IQCM: variants seen among roughly 807,000 people sequenced by gnomAD.
The protein encoded by IQCM is IQ motif containing M.
IQCM carries 45 observed loss-of-function variants against 57.6 expected under a neutral mutation model. That is an observed-to-expected ratio of 0.78 (90% CI 0.62 to 1.00). The LOEUF is 1.00. IQCM is among the 50% of genes least tolerant of loss of function. The pLI is 0.00. For synonymous variants in IQCM, 148 were observed against 158.9 expected (o/e 0.93, Z 0.51); for missense variants, 468 against 511.6 (o/e 0.91, Z 0.82).
intron 12 of IQCM, among the ~76,000 whole-genome samples, chr4:149,462,621 T>C (rs947860877): frequency 6.6e-6 from 1 of 152,198 alleles, no homozygotes; most frequent in African/African-American, 2.4e-5. Context: ...CCTATTTACC[T>C]TACATGTGTC....
chr4:149,738,017 GT>G (rs1435049688), intron 3 of IQCM, among the ~76,000 whole-genome samples: 2 of 152,022 alleles, frequency 1.3e-5, no homozygotes, highest in Admixed American at 1.3e-4. Flanking sequence ...GTTTTTTGTT[GT>G]TGTTCAAAAT....
At chr4:149,776,075 A>G (rs1429172017) in intron 2 of IQCM, among the ~76,000 whole-genome samples, 1 of 152,146 alleles carries the variant, frequency 6.6e-6, no homozygotes, top group Non-Finnish European at 1.5e-5. Context: ...TAAGGCTACA[A>G]GGAACTTTGA....
intron 13 of IQCM, among the ~76,000 whole-genome samples, chr4:149,390,422 T>C (rs1412638175): frequency 6.6e-6 from 1 of 151,932 alleles, no homozygotes; most frequent in Non-Finnish European, 1.5e-5. Flanking sequence ...TAGATGCTTT[T>C]TTTTTTTCTA....
intron 2 of IQCM, among the ~76,000 whole-genome samples, chr4:149,799,828 T>G (rs990687995): frequency 6.6e-6 from 1 of 150,768 alleles, no homozygotes; most frequent in African/African-American, 2.4e-5. Context: ...AGGTTGAAGC[T>G]GTAATAAAAA....
rs2150076562 is a variant in IQCM at position 149,815,835 on chromosome 4, G to A, written c.-322C>T. 1 of 151,938 alleles carries A rather than the reference G, an allele frequency of 6.6e-6. No individual in the cohort carries two copies. The highest frequency in any genetic ancestry group is 2.1e-4 in the South Asian group (1 of 4,822). 9.4% of individuals were successfully genotyped at this position (151,938 alleles called of 1,614,324 possible). ...TGATTGCTTCTTCTCACATATGCCT[G>A]TCTTCTTTGGGCATCAGAAGAATTC... On this transcript the variant is annotated 5_prime_UTR_variant, in exon 1 of 14. Transcript: ENST00000636793.
chr4:149,723,119 T>A (rs1478806407), intron 5 of IQCM, among the ~76,000 whole-genome samples: 1 of 152,072 alleles, frequency 6.6e-6, no homozygotes, highest in Non-Finnish European at 1.5e-5. Context: ...GTGCTACCGA[T>A]TTGTGTATAT....
intron 2 of IQCM, among the ~76,000 whole-genome samples, chr4:149,747,618 G>A (rs973827438): frequency 1.3e-5 from 2 of 152,186 alleles, no homozygotes; most frequent in African/African-American, 4.8e-5. Context: ...TACAGTAGAT[G>A]ATAGGAGAAC....
At chr4:149,452,821 C>T (rs941371901) in intron 12 of IQCM, among the ~76,000 whole-genome samples, 2 of 150,762 alleles carry the variant, frequency 1.3e-5, no homozygotes, top group Non-Finnish European at 3.0e-5. Context: ...GGTTAAACAA[C>T]TTAAATAAAG....
chr4:149,415,103 A>T (rs1733650081), intron 13 of IQCM, among the ~76,000 whole-genome samples: 1 of 152,218 alleles, frequency 6.6e-6, no homozygotes, highest in Non-Finnish European at 1.5e-5. Context: ...TTATGCTGGA[A>T]AAAGAAATGG....
intron 5 of IQCM, among the ~76,000 whole-genome samples, chr4:149,694,739 G>T (rs1763214092): frequency 6.6e-6 from 1 of 152,132 alleles, no homozygotes; most frequent in African/African-American, 2.4e-5. Flanking sequence ...AATTTCAGAA[G>T]AACACTGTAG....
chr4:149,682,666 T>A (rs976655670), intron 6 of IQCM, among the ~76,000 whole-genome samples: 1 of 151,216 alleles, frequency 6.6e-6, no homozygotes, highest in African/African-American at 2.4e-5. Context: ...CTTATTACCC[T>A]GATATTTTAG....
At chr4:149,419,705 A>G (rs1249172156) in intron 13 of IQCM, among the ~76,000 whole-genome samples, 1 of 152,136 alleles carries the variant, frequency 6.6e-6, no homozygotes, top group Non-Finnish European at 1.5e-5. Flanking sequence ...TGAACAGGCA[A>G]CCTACAAAGT....
chr4:149,686,431 T>A lies in IQCM; in HGVS notation c.423A>T (p.Glu141Asp), dbSNP rs1176172322. The A allele has an allele frequency of 4.1e-6, 5 of 1,227,926 alleles. No homozygotes were observed. The East Asian group carries it at 1.6e-4, about 39-fold the overall frequency. 76.1% of individuals were successfully genotyped at this position (1,227,926 alleles called of 1,614,324 possible). A position where few individuals can be genotyped will look rare whatever the true frequency, so the allele number is the denominator to read the frequency against. Residue 141 changes from glutamate (E) to aspartate (D), a missense_variant, in exon 6 of 14, where the codon GAA becomes GAT. By Grantham distance (45) the Glu-to-Asp change is conservative (BLOSUM62 2). Transcript: ENST00000636793. ...VKLDKIMTII[E>D]PVSKKMETAK... The stretch of plus-strand genomic sequence containing the variant: ...CTGTCTCCATTTTTTTACTCACTGG[T>A]TCAATAATAGTCATGATTTTATCCA...
At chr4:149,724,218 A>G (rs1278248862) in intron 5 of IQCM, among the ~76,000 whole-genome samples, 5 of 152,056 alleles carry the variant, frequency 3.3e-5, no homozygotes, top group Non-Finnish European at 5.9e-5. Context: ...GAATGATCAT[A>G]TACCTGAAAT....
At chr4:149,463,997 C>T (rs1310797877) in intron 12 of IQCM, among the ~76,000 whole-genome samples, 1 of 152,138 alleles carries the variant, frequency 6.6e-6, no homozygotes, top group Non-Finnish European at 1.5e-5. Flanking sequence ...ACTTGAATAT[C>T]AAAGCAGTAG....
rs76927958 is a variant in IQCM, at chr4:149,418,033, C to G, written c.1390+15363G>C. Among the ~76,000 whole-genome samples, 1,417 of 150,182 alleles carry G rather than the reference C, an allele frequency of 9.4e-3. 14 individuals are homozygous for G. Among genetic ancestry groups the G allele is most frequent in the African/African-American group, 0.033 (1,347 of 40,872 alleles). On this transcript the variant is annotated intron_variant, in intron 13 of 13. Transcript: ENST00000636793. ...AGCTAGGAAGATCTCAAATTGACAC[C>G]CTAACATCACAACTGACCACCAAGA... is the stretch of plus-strand genomic sequence containing the variant.
chr4:149,480,182 AT>A (rs1387010871), intron 12 of IQCM, among the ~76,000 whole-genome samples: 1 of 151,968 alleles, frequency 6.6e-6, no homozygotes, highest in African/African-American at 2.4e-5. Context: ...TTTCTTTTTA[AT>A]TTTTGTGAGT....
At chr4:149,394,997 G>A (rs1732125171) in intron 13 of IQCM, among the ~76,000 whole-genome samples, 1 of 151,900 alleles carries the variant, frequency 6.6e-6, no homozygotes, top group African/African-American at 2.4e-5. Flanking sequence ...TTTTACTGAT[G>A]TGAAAAACAT....
chr4:149,358,192 A>C (rs376140939), intron 13 of IQCM, among the ~76,000 whole-genome samples: 2 of 152,058 alleles, frequency 1.3e-5, no homozygotes, highest in Non-Finnish European at 2.9e-5. Context: ...TTTTCAAAAA[A>C]CCAGCTCCTG....
Sources: allele counts gnomAD v4.1 joint callset (sites outside exome capture counted in the v4.1 genomes callset), GRCh38; gene constraint gnomAD v4.1.1; transcripts MANE v1.5; gene names NCBI Gene and HGNC (gene_info 2026-07-23, HGNC 2026-07-21).